Variants in SMS observed in about 807,000 individuals in gnomAD.
SMS encodes spermidine aminopropyltransferase.
A neutral mutation model predicts 33.0 loss-of-function variants in SMS; 3 were observed. That is an observed-to-expected ratio of 0.09 (90% CI 0.04 to 0.23). The LOEUF (loss-of-function observed/expected upper bound fraction) is 0.23. Among genes scored for constraint, SMS ranks in the 10% least tolerant of loss-of-function variants. The pLI, the probability that SMS is intolerant of heterozygous loss-of-function variation, is 1.00. For missense variants in SMS, 117 were observed against 288.6 expected, an observed-to-expected ratio of 0.41 and a Z score of 4.31; for synonymous variants, 103 against 112.2, an observed-to-expected ratio of 0.92 and a Z score of 0.52.
At chrX:21,955,438 C>T (rs918044322) in intron 1 of SMS, among the ~76,000 whole-genome samples, 7 of 112,120 alleles carry the variant, frequency 6.2e-5, no homozygotes, top group Non-Finnish European at 1.1e-4. Flanking sequence ...GGGGCCGTCT[C>T]CACACGTCAC....
chrX:21,973,451 A>C (rs1375524395), intron 4 of SMS, among the ~76,000 whole-genome samples: 2 of 112,690 alleles, frequency 1.8e-5, no homozygotes, highest in African/African-American at 6.4e-5. Flanking sequence ...AAAACAAAAC[A>C]AATACCTGAC....
At chrX:21,980,420 A>AC (rs1924844628) in intron 7 of SMS, among the ~76,000 whole-genome samples, 1 of 82,884 alleles carries the variant, frequency 1.2e-5, no homozygotes, top group Admixed American at 1.6e-4. Context: ...GTCTCCAAAA[A>AC]AAAAAAAAAA....
chrX:21,947,289 C>G (rs1049241191), intron 1 of SMS, among the ~76,000 whole-genome samples: 1 of 111,369 alleles, frequency 9.0e-6, no homozygotes, highest in Non-Finnish European at 1.9e-5. Context: ...AACAATGCAG[C>G]CTTTCGGGGC....
At chrX:21,971,822 A>C in intron 2 of SMS, 75 bp from the exon 3 acceptor site, 3 of 651,609 alleles carry the variant, frequency 4.6e-6, no homozygotes, top group Non-Finnish European at 7.4e-6. Context: ...ATTGGGTGAC[A>C]TCTCTCTCTC....
chrX:21,982,060 G>A (rs909923179), intron 7 of SMS, among the ~76,000 whole-genome samples: 6 of 110,233 alleles, frequency 5.4e-5, no homozygotes, highest in Non-Finnish European at 9.5e-5. Flanking sequence ...CAGGCCGGGC[G>A]CGGTGGCTCA....
chrX:21,950,012 T>C (rs1378723830), intron 1 of SMS, among the ~76,000 whole-genome samples: 10 of 111,344 alleles, frequency 9.0e-5, no homozygotes, highest in African/African-American at 2.9e-4. Context: ...ATATTCAACG[T>C]GTATTTTCAG....
At chrX:21,992,305 A>G (rs1360675071) in intron 9 of SMS, among the ~76,000 whole-genome samples, 1 of 112,453 alleles carries the variant, frequency 8.9e-6, no homozygotes, top group Non-Finnish European at 1.9e-5. Flanking sequence ...TGCAAATTGC[A>G]TGGTTTTAAT....
At chrX:21,992,402 TAGA>T (rs1925815114) in intron 9 of SMS, among the ~76,000 whole-genome samples, 192 bp from the exon 10 acceptor site, 1 of 112,512 alleles carries the variant, frequency 8.9e-6, no homozygotes, top group Non-Finnish European at 1.9e-5. Context: ...GTAAATGAGG[TAGA>T]AGGATAACGA....
chrX:21,950,742 C>T lies in SMS; in HGVS notation c.49+9869C>T, dbSNP rs138345040. 5.8e-3 allele frequency among the ~76,000 whole-genome samples: 640 copies of T among 110,796 alleles called. 8 individuals carry two copies. Among genetic ancestry groups the T allele is most frequent in the African/African-American group, 0.02 (601 of 30,409 alleles). ...TTAGTTTGCCTAGAATGATGGCTTC[C>T]AGCATCATCCATGTCCCTGCAAAGG... is the stretch of plus-strand genomic sequence containing the variant. On this transcript the variant is annotated intron_variant, in intron 1 of 10. Transcript: ENST00000404933.
intron 1 of SMS, among the ~76,000 whole-genome samples, chrX:21,954,712 G>A (rs1162446970): frequency 9.0e-6 from 1 of 111,493 alleles, no homozygotes; most frequent in Non-Finnish European, 1.9e-5. Context: ...TATCAAGTAC[G>A]GTCTAATATA....
intron 2 of SMS, among the ~76,000 whole-genome samples, chrX:21,969,375 C>T (rs1317735070): frequency 8.9e-6 from 1 of 112,051 alleles, no homozygotes; most frequent in African/African-American, 3.2e-5. Flanking sequence ...TCCCCTGTGT[C>T]CTTTTCTTCC....
At chrX:21,968,570 C>T (rs999899153) in intron 2 of SMS, among the ~76,000 whole-genome samples, 1 of 111,979 alleles carries the variant, frequency 8.9e-6, no homozygotes, top group Non-Finnish European at 1.9e-5. Context: ...GATGCTGATG[C>T]TGCTGGACAG....
At chrX:21,941,425 A>G (rs1921765481) in intron 1 of SMS, 1 of 176,641 alleles carries the variant, frequency 5.7e-6, no homozygotes, top group Non-Finnish European at 1.1e-5. Context: ...GGCTGGGGAA[A>G]GGTCTGCGGA....
intron 1 of SMS, among the ~76,000 whole-genome samples, chrX:21,945,123 C>T (rs1408896735): frequency 1.8e-5 from 2 of 111,767 alleles, no homozygotes; most frequent in African/African-American, 6.5e-5. Flanking sequence ...CTGGGCTGGG[C>T]GTATCTTTTG....
At chrX:21,962,347 G>A (rs760735870) in intron 1 of SMS, among the ~76,000 whole-genome samples, 32 of 112,454 alleles carry the variant, frequency 2.8e-4, no homozygotes, top group Admixed American at 2.8e-3. Context: ...TAATTACAAA[G>A]CATTTTCTGG....
intron 1 of SMS, among the ~76,000 whole-genome samples, chrX:21,942,265 C>T (rs1921866013): frequency 9.0e-6 from 1 of 111,071 alleles, no homozygotes; most frequent in South Asian, 3.8e-4. Context: ...TTTTCTCCCG[C>T]AAATTTAAAG....
chrX:21,949,965 C>G (rs1489426334), intron 1 of SMS, among the ~76,000 whole-genome samples: 2 of 110,725 alleles, frequency 1.8e-5, no homozygotes, highest in East Asian at 2.8e-4. Flanking sequence ...AAAAAAAAAT[C>G]CAAAACACTT....
intron 2 of SMS, among the ~76,000 whole-genome samples, chrX:21,970,258 G>T (rs1924036099): frequency 9.0e-6 from 1 of 111,581 alleles, no homozygotes; most frequent in Admixed American, 9.5e-5. Context: ...TTTTATTCAG[G>T]TTCTCTATTC....
chrX:21,966,493 A>G (rs1459916852), intron 1 of SMS, among the ~76,000 whole-genome samples: 1 of 111,214 alleles, frequency 9.0e-6, no homozygotes, highest in Non-Finnish European at 1.9e-5. Context: ...GGGAACACTG[A>G]TTGCACTTTT....
Sources: allele counts gnomAD v4.1 joint callset (sites outside exome capture counted in the v4.1 genomes callset), GRCh38; gene constraint gnomAD v4.1.1; transcripts MANE v1.5; gene names NCBI Gene and HGNC (gene_info 2026-07-23, HGNC 2026-07-21).